The following NXPE4 variants were observed in gnomAD, a reference collection of about 807,000 sequenced individuals.
NXPE4 encodes neurexophilin and PC-esterase domain family member 4, also known as NXPE family member 4.
In NXPE4, 42 loss-of-function variants were observed where a neutral mutation model predicts 33.3. The observed-to-expected ratio is 1.26, with a 90% confidence interval of 0.98 to 1.63. The LOEUF (loss-of-function observed/expected upper bound fraction) is 1.63. NXPE4 is among the 40% of genes most tolerant of loss of function. The probability of loss-of-function intolerance (pLI) is 0.00; values close to 1 mark genes in which losing one functional copy is unlikely to be tolerated. For missense variants in NXPE4, 709 were observed against 647.6 expected (o/e 1.09, Z -1.03); for synonymous variants, 253 against 234.9 (o/e 1.08, Z -0.71).
chr11:114,628,613 AG>A, the NXPE4 span, among the ~76,000 whole-genome samples: 2,255 of 149,440 alleles, frequency 0.015, 61 homozygotes, highest in African/African-American at 0.051. Flanking sequence ...TAAAAGAACT[AG>A]AAAAGCAAGA....
the NXPE4 span, among the ~76,000 whole-genome samples, chr11:114,632,480 A>C: frequency 7.9e-6 from 1 of 127,146 alleles, no homozygotes; most frequent in Middle Eastern, 4.3e-3. Flanking sequence ...ATACTATATA[A>C]TACTCCATAA....
chr11:114,572,995 T>C (rs537880272), intron 5 of NXPE4, among the ~76,000 whole-genome samples: 2 of 152,280 alleles, frequency 1.3e-5, no homozygotes, highest in South Asian at 2.1e-4. Context: ...AGAAAACTTA[T>C]CAGATTAACA....
the NXPE4 span, among the ~76,000 whole-genome samples, chr11:114,670,286 CTG>C: frequency 3.3e-5 from 5 of 152,056 alleles, no homozygotes; most frequent in African/African-American, 7.2e-5. Context: ...GATAAAATCA[CTG>C]TTATCCCAAG....
At chr11:114,620,820 C>T in the NXPE4 span, among the ~76,000 whole-genome samples, 2 of 151,782 alleles carry the variant, frequency 1.3e-5, no homozygotes, top group African/African-American at 4.8e-5. Flanking sequence ...ACCACTGTTA[C>T]CCTGTGTCTA....
In NXPE4 at chr11:114,580,343, C is replaced by T; in HGVS notation, c.893-5G>A. 6.2e-7 allele frequency: 1 copy of T among 1,612,654 alleles called. No individual in the cohort carries two copies. Among genetic ancestry groups the T allele is most frequent in the Non-Finnish European group, 8.5e-7 (1 of 1,178,972 alleles). ...CTTTCATTGCAACTGTTTCTTCTGC[C>T]AAAGAATCAATGAGATAGGATCTTC... On this transcript the variant is annotated splice_polypyrimidine_tract_variant and splice_region_variant and intron_variant, in intron 4 of 5. Coordinates refer to ENST00000375478, the MANE Select transcript of NXPE4 (RefSeq NM_001077639.2).
chr11:114,571,317 G>A lies in NXPE4; in HGVS notation c.1256C>T (p.Ala419Val). Residue 419 changes from alanine to valine, a missense_variant, in exon 6 of 6, where the codon GCC becomes GTC. Physicochemically the swap from Ala to Val is moderately conservative, Grantham distance 64. Coordinates refer to ENST00000375478, the MANE Select transcript of NXPE4 (RefSeq NM_001077639.2). The stretch of plus-strand genomic sequence containing the variant: ...TTTTTCTCCTCCAGTTCTGTCAATG[G>A]CCCGGGTGAGGTACTCCATCTCTTT... ...SVKEMEYLTR[A>V]IDRTGGEKNT... is the part of the protein sequence containing the mutation. The A allele has an allele frequency of 6.2e-7, 1 of 1,614,004 alleles. No individual in the cohort carries two copies. The highest frequency in any genetic ancestry group is 1.1e-5 in the South Asian group (1 of 91,070).
chr11:114,663,951 G>A, the NXPE4 span, among the ~76,000 whole-genome samples: 2 of 152,078 alleles, frequency 1.3e-5, no homozygotes, highest in African/African-American at 4.8e-5. Flanking sequence ...CTGATGGGGT[G>A]CAAAAATGGT....
intron 5 of NXPE4, among the ~76,000 whole-genome samples, chr11:114,575,006 G>T (rs971385507): frequency 6.6e-6 from 1 of 152,120 alleles, no homozygotes; most frequent in African/African-American, 2.4e-5. Flanking sequence ...GATCAAGTGG[G>T]TTTCATACCA....
At chr11:114,648,086 T>G in the NXPE4 span, among the ~76,000 whole-genome samples, 2 of 152,184 alleles carry the variant, frequency 1.3e-5, no homozygotes, top group African/African-American at 4.8e-5. Context: ...TTGCCCTGGT[T>G]CCTGAGACAG....
At chr11:114,665,305 C>T in the NXPE4 span, among the ~76,000 whole-genome samples, 1 of 152,144 alleles carries the variant, frequency 6.6e-6, no homozygotes, top group African/African-American at 2.4e-5. Context: ...CACAATCTCT[C>T]TAATTAGAAT....
chr11:114,602,390 A>G, the NXPE4 span, among the ~76,000 whole-genome samples: 2 of 128,790 alleles, frequency 1.6e-5, no homozygotes, highest in African/African-American at 5.7e-5. Context: ...ATTATGCTAT[A>G]TATTATATAT....
At chr11:114,601,942 A>C in the NXPE4 span, among the ~76,000 whole-genome samples, 6 of 81,508 alleles carry the variant, frequency 7.4e-5, no homozygotes, top group African/African-American at 2.5e-4. Flanking sequence ...TATATATTAT[A>C]TAATTATATA....
the NXPE4 span, among the ~76,000 whole-genome samples, chr11:114,650,638 G>A: frequency 6.6e-6 from 1 of 152,172 alleles, no homozygotes; most frequent in East Asian, 1.9e-4. Context: ...GGAAGGGGCA[G>A]GAAGCTGTCT....
chr11:114,629,978 C>T, the NXPE4 span, among the ~76,000 whole-genome samples: 1 of 150,356 alleles, frequency 6.7e-6, no homozygotes, highest in African/African-American at 2.5e-5. Flanking sequence ...CGTGAAGGAA[C>T]TCTTCAAGGA....
At chr11:114,674,595 CAAAAG>C in the NXPE4 span, among the ~76,000 whole-genome samples, 2 of 150,668 alleles carry the variant, frequency 1.3e-5, no homozygotes, top group African/African-American at 4.9e-5. Context: ...AATCAAATCA[CAAAAG>C]AAGACAACAA....
chr11:114,663,444 G>A, the NXPE4 span, among the ~76,000 whole-genome samples: 1 of 152,038 alleles, frequency 6.6e-6, no homozygotes, highest in Admixed American at 6.6e-5. Flanking sequence ...AATGGGGGTT[G>A]TCTTAGAAGG....
chr11:114,626,522 A>G, the NXPE4 span, among the ~76,000 whole-genome samples: 1 of 152,218 alleles, frequency 6.6e-6, no homozygotes, highest in African/African-American at 2.4e-5. Context: ...ACCCATCTGT[A>G]CATCACCATC....
At chr11:114,656,269 GA>G in the NXPE4 span, among the ~76,000 whole-genome samples, 7 of 152,080 alleles carry the variant, frequency 4.6e-5, no homozygotes, top group African/African-American at 1.7e-4. Context: ...ACTACTCAAG[GA>G]AATAAGGGAG....
chr11:114,673,481 G>A, the NXPE4 span, among the ~76,000 whole-genome samples: 2 of 151,406 alleles, frequency 1.3e-5, no homozygotes, highest in African/African-American at 2.4e-5. Flanking sequence ...AAAAATCAGA[G>A]CAGAAAAATA....
Sources: gnomAD v4.1 joint callset for allele counts (sites outside exome capture counted in the v4.1 genomes callset) on GRCh38, gnomAD v4.1.1 for gene constraint, MANE v1.5 for transcripts, NCBI Gene and HGNC (gene_info 2026-07-23, HGNC 2026-07-21) for gene names.